CPVL: variants seen among roughly 807,000 people sequenced by gnomAD.
CPVL encodes probable serine carboxypeptidase CPVL.
In CPVL, 51 loss-of-function variants were observed where a neutral mutation model predicts 63.7. The ratio of observed to expected loss-of-function variants is 0.80; its 90% CI spans 0.64 to 1.01. The LOEUF (loss-of-function observed/expected upper bound fraction) is 1.01. Ranked by LOEUF, CPVL falls within the 50% of genes least tolerant of loss-of-function variation. The pLI is 0.00. For missense variants in CPVL, 530 were observed against 573.1 expected (o/e 0.92, Z 0.77); for synonymous variants, 195 against 206.0 (o/e 0.95, Z 0.46).
intron 7 of CPVL, among the ~76,000 whole-genome samples, chr7:29,076,655 C>T (rs1213193718): frequency 1.3e-5 from 2 of 152,150 alleles, no homozygotes; most frequent in South Asian, 4.1e-4. Flanking sequence ...ACTGCTCTTA[C>T]TTGGTTAATT....
At chr7:29,061,398 G>C (rs1197149953) in intron 11 of CPVL, among the ~76,000 whole-genome samples, 1 of 152,118 alleles carries the variant, frequency 6.6e-6, no homozygotes, top group Non-Finnish European at 1.5e-5. Flanking sequence ...GAGCAACAGA[G>C]TGAAACTCTG....
chr7:29,028,054 G>A (rs980400722), intron 12 of CPVL, among the ~76,000 whole-genome samples: 5 of 152,162 alleles, frequency 3.3e-5, no homozygotes, highest in African/African-American at 4.8e-5. Context: ...ATACTACAAA[G>A]CAATAACAAC....
At chr7:29,183,730 AAG>A (rs1274595586) in intron 4 of CPVL, among the ~76,000 whole-genome samples, 1 of 152,192 alleles carries the variant, frequency 6.6e-6, no homozygotes, top group African/African-American at 2.4e-5. Context: ...GAGAACCAAT[AAG>A]AGAGATATAT....
intron 12 of CPVL, among the ~76,000 whole-genome samples, chr7:29,024,876 C>G (rs1350838482): frequency 1.3e-5 from 2 of 152,120 alleles, no homozygotes; most frequent in Admixed American, 1.3e-4. Flanking sequence ...AAGACGATAC[C>G]TACCATCAAG....
chr7:29,082,351 A>C (rs77249299), intron 7 of CPVL: 1 of 152,114 alleles, frequency 6.6e-6, no homozygotes, highest in South Asian at 2.1e-4. Context: ...GGAGGCTGAA[A>C]GACTTTTCTG....
chr7:29,027,869 G>A (rs1415335414), intron 12 of CPVL, among the ~76,000 whole-genome samples: 1 of 152,034 alleles, frequency 6.6e-6, no homozygotes, highest in South Asian at 2.1e-4. Context: ...CTCATGGATT[G>A]GAAAAATTAA....
At chr7:29,029,969 T>C (rs317749) in intron 12 of CPVL, among the ~76,000 whole-genome samples, 13,480 of 152,174 alleles carry the variant, frequency 0.089, 655 homozygotes, top group South Asian at 0.13. Context: ...CAAACAAATC[T>C]CCAAGCCCAG....
chr7:29,071,727 G>GA, intron 9 of CPVL, 46 bp downstream of exon 9: 2 of 344,684 alleles, frequency 5.8e-6, no homozygotes, highest in East Asian at 9.1e-5. Context: ...TCCCTCCCCA[G>GA]ATGGTTTTAA....
intron 5 of CPVL, 48 bp from the exon 6 acceptor site, chr7:29,092,750 C>T: frequency 7.7e-7 from 1 of 1,305,198 alleles, no homozygotes; most frequent in Non-Finnish European, 1.1e-6. Context: ...AAACACATGC[C>T]TTAGGGACCT....
chr7:29,028,688 G>A (rs1214233368), intron 12 of CPVL, among the ~76,000 whole-genome samples: 1 of 151,972 alleles, frequency 6.6e-6, no homozygotes, highest in Non-Finnish European at 1.5e-5. Context: ...AAAAGGGCCA[G>A]GCGTGGTGGC....
At chr7:29,004,901 CT>C (rs1236433234) in intron 12 of CPVL, among the ~76,000 whole-genome samples, 194 of 140,054 alleles carry the variant, frequency 1.4e-3, no homozygotes, top group Non-Finnish European at 1.9e-3. Flanking sequence ...CTTTTCTTTT[CT>C]TTTTTTTTTT....
chr7:29,046,567 GCACACACA>G (rs10546847), intron 11 of CPVL, among the ~76,000 whole-genome samples: 15 of 149,668 alleles, frequency 1.0e-4, no homozygotes, highest in African/African-American at 2.0e-4. Flanking sequence ...GTGCGCGCGT[GCACACACA>G]CACACACACA....
chr7:29,161,471 C>T (rs539585757), intron 5 of CPVL, among the ~76,000 whole-genome samples: 24 of 152,242 alleles, frequency 1.6e-4, no homozygotes, highest in African/African-American at 5.5e-4. Context: ...TATCTCGAAC[C>T]CCACATTTTT....
At chr7:29,066,243 C>G (rs1783127578) in intron 9 of CPVL, 122 bp from the exon 10 acceptor site, 4 of 615,040 alleles carry the variant, frequency 6.5e-6, no homozygotes, top group South Asian at 2.1e-5. Context: ...TTTCATCCAG[C>G]GCCCACTTAT....
intron 1 of CPVL, among the ~76,000 whole-genome samples, chr7:29,136,830 C>T (rs1328413553): frequency 1.3e-5 from 2 of 152,158 alleles, no homozygotes; most frequent in Non-Finnish European, 2.9e-5. Flanking sequence ...GTTGGAAATA[C>T]TCCCATCAAC....
chr7:29,169,831 T>G (rs1796367487), intron 5 of CPVL, among the ~76,000 whole-genome samples: 1 of 151,564 alleles, frequency 6.6e-6, no homozygotes, highest in South Asian at 2.1e-4. Context: ...TGTATATATA[T>G]ATATACACAC....
chr7:29,184,467 G>C (rs1304973837), exon 4 of CPVL: 1 of 152,134 alleles, frequency 6.6e-6, no homozygotes, highest in Admixed American at 6.5e-5. Context: ...TGGCATGTAA[G>C]AGACCCAGGA....
intron 3 of CPVL, among the ~76,000 whole-genome samples, chr7:29,110,035 A>G (rs323188): frequency 6.6e-6 from 1 of 152,222 alleles, no homozygotes; most frequent in Admixed American, 6.5e-5. Flanking sequence ...TGAGAAAGAA[A>G]AAAACTGGGT....
rs75152430 is a variant in CPVL, at chr7:29,053,067, G to A, written c.1137+10994C>T. 2.5e-3 allele frequency among the ~76,000 whole-genome samples: 388 copies of A among 152,230 alleles called. 14 individuals carry two copies. In the East Asian group the frequency reaches 0.054, roughly 21 times the overall value. ...AAAATCACATAGAAAGATGTTCATC[G>A]TTCATCATTAGGGAAATGCCAATCA... On this transcript the variant is annotated intron_variant, in intron 11 of 12. Transcript: ENST00000265394.
Sources: allele counts gnomAD v4.1 joint callset (sites outside exome capture counted in the v4.1 genomes callset), GRCh38; gene constraint gnomAD v4.1.1; transcripts MANE v1.5; gene names NCBI Gene and HGNC (gene_info 2026-07-23, HGNC 2026-07-21).